Variants in NME6 observed in about 807,000 individuals in gnomAD.
NME6 encodes the protein nucleoside diphosphate kinase 6, mitochondrial.
NME6 carries 16 observed loss-of-function variants against 22.2 expected under a neutral mutation model. The observed-to-expected ratio is 0.72, with a 90% CI of 0.49 to 1.09. The LOEUF (loss-of-function observed/expected upper bound fraction) is 1.09, where lower values mean the gene tolerates loss of function less well. Ranked by LOEUF, NME6 falls within the 50% of genes least tolerant of loss-of-function variation. The probability of loss-of-function intolerance (pLI) is 0.00; values close to 1 mark genes in which losing one functional copy is unlikely to be tolerated. For missense variants in NME6, 229 were observed against 239.0 expected (o/e 0.96, Z 0.28); for synonymous variants, 58 against 85.2 (o/e 0.68, Z 1.76).
At position 48,294,243 on chromosome 3, in the gene NME6, G is replaced by C. The variant is rs1559996893; in HGVS notation, c.*394C>G. ...CATGCACCACCATGCCTGGCTAATT[G>C]TTGTATTTTTAGTAGAGATGGGGTT... is the stretch of plus-strand genomic sequence containing the variant. On this transcript the variant is annotated 3_prime_UTR_variant, in exon 6 of 6. Transcript: ENST00000442597. The C allele has an allele frequency of 6.0e-6, 1 of 166,474 alleles. No homozygotes were observed. The highest frequency in any genetic ancestry group is 1.3e-5 in the Non-Finnish European group (1 of 75,742). 10.3% of individuals were successfully genotyped at this position (166,474 alleles called of 1,614,324 possible). A position where few individuals can be genotyped will look rare whatever the true frequency, so the allele number is the denominator to read the frequency against.
chr3:48,289,846 G>A (rs1426261298), downstream of NME6, among the ~76,000 whole-genome samples: 1 of 152,132 alleles, frequency 6.6e-6, no homozygotes, highest in Non-Finnish European at 1.5e-5. Flanking sequence ...ATTATGGTAT[G>A]CCCACACATG....
At position 48,295,905 on chromosome 3, in the gene NME6, C is replaced by T. The variant is rs182628882; in HGVS notation, c.233+214G>A. The T allele has an allele frequency of 2.5e-4, 145 of 577,062 alleles. 1 individual carries two copies. In the African/African-American group the frequency reaches 2.5e-3, roughly 10 times the overall value. 35.7% of individuals were successfully genotyped at this position (577,062 alleles called of 1,614,324 possible). On this transcript the variant is annotated intron_variant, in intron 4 of 5. Coordinates refer to ENST00000442597, the MANE Select transcript of NME6 (RefSeq NM_001308426.2). The stretch of plus-strand genomic sequence containing the variant: ...TAATTTTTTGTATTTTTAGTAGAGA[C>T]GGTGTTTCACCACATTGGCCAGGCT...
downstream of NME6, among the ~76,000 whole-genome samples, chr3:48,289,254 G>T (rs1385330783): frequency 6.6e-6 from 1 of 152,068 alleles, no homozygotes; most frequent in Non-Finnish European, 1.5e-5. Flanking sequence ...AGTAGAGACA[G>T]GGTTTCACCA....
In NME6 at chr3:48,295,072, C is replaced by G; in HGVS notation, c.394+3G>C. 1 of 1,613,776 alleles carries G rather than the reference C, an allele frequency of 6.2e-7. No individual in the cohort carries two copies. Among genetic ancestry groups the G allele is most frequent in the African/African-American group, 1.3e-5 (1 of 75,036 alleles). ...ATCCTATGGCTATGGACAGGGGACT[C>G]ACCCGAACCATGGGTGGTGTTGCGG... On this transcript the variant is annotated splice_donor_region_variant and intron_variant, in intron 5 of 5. Coordinates refer to ENST00000442597, the MANE Select transcript of NME6 (RefSeq NM_001308426.2).
At chr3:48,298,598 C>A in intron 1 of NME6, 75 bp from the exon 2 acceptor site, 1 of 1,077,150 alleles carries the variant, frequency 9.3e-7, no homozygotes. Context: ...GCCACGCAGC[C>A]TTGCAAGCCA....
At chr3:48,294,859 G>A (rs1486367571) in intron 5 of NME6, 56 bp from the exon 6 acceptor site, 30 of 1,572,870 alleles carry the variant, frequency 1.9e-5, no homozygotes, top group Non-Finnish European at 2.2e-5. Context: ...GCAAGAGGCA[G>A]TCATAATCAG....
rs1337406848 is a variant in NME6, at chr3:48,294,454, GAGAAGAGGTAGAT to G, written c.*170_*182del. On this transcript the variant is annotated 3_prime_UTR_variant, in exon 6 of 6. Coordinates refer to ENST00000442597, the MANE Select transcript of NME6 (RefSeq NM_001308426.2). ...CTTCTGAACCACCATAAACATTCCA[GAGAAGAGGTAGAT>G]AGAAGGCTAGATCCTGGAGGATGTG... 1.7e-6 allele frequency: 1 copy of G among 579,390 alleles called. No individual in the cohort carries two copies. The highest frequency in any genetic ancestry group is 3.1e-6 in the Non-Finnish European group (1 of 324,878). The allele number at this position is 579,390 out of a possible 1,614,324, so 35.9% of individuals were successfully genotyped here.
chr3:48,289,348 C>T (rs189019528), downstream of NME6, among the ~76,000 whole-genome samples: 25 of 152,130 alleles, frequency 1.6e-4, no homozygotes, highest in African/African-American at 5.3e-4. Context: ...GGATTACAGG[C>T]GTGAGCCACC....
intron 2 of NME6, chr3:48,297,931 G>A (rs904998812): frequency 6.0e-6 from 1 of 167,606 alleles, no homozygotes; most frequent in African/African-American, 2.4e-5. Flanking sequence ...ACAGGGAAAT[G>A]GCAGCCTCAG....
intron 4 of NME6, 133 bp from the exon 5 acceptor site, chr3:48,295,368 G>C (rs1182393408): frequency 6.0e-6 from 6 of 992,002 alleles, no homozygotes; most frequent in Non-Finnish European, 8.8e-6. Flanking sequence ...TACCAATGCT[G>C]CTTCAAATAG....
At chr3:48,290,088 G>C (rs541393006), downstream of NME6, among the ~76,000 whole-genome samples, 36 of 151,438 alleles carry the variant, frequency 2.4e-4, no homozygotes, top group African/African-American at 7.5e-4. Context: ...TTTGAGACGG[G>C]ATCTCGCTGT....
In NME6 at chr3:48,292,799, C is replaced by T. The variant is rs1375540276; in HGVS notation, c.*1838G>A. 2 of 152,248 alleles carry T rather than the reference C, an allele frequency of 1.3e-5. No homozygotes were observed. The highest frequency in any genetic ancestry group is 2.4e-5 in the African/African-American group (1 of 41,448). The allele number at this position is 152,248 out of a possible 1,614,324, so 9.4% of individuals were successfully genotyped here. On this transcript the variant is annotated 3_prime_UTR_variant, in exon 6 of 6. Coordinates refer to ENST00000442597, the MANE Select transcript of NME6 (RefSeq NM_001308426.2). The stretch of plus-strand genomic sequence containing the variant: ...TCCCAACCTCAGGTGATCCGCCTGC[C>T]TCAGCCTCCCAAAGTGCTAGGATTA...
At chr3:48,301,294 AC>A in intron 1 of NME6, 58 bp downstream of exon 1, 2 of 1,598,738 alleles carry the variant, frequency 1.3e-6, no homozygotes, top group Non-Finnish European at 1.7e-6. Context: ...GCCTAAGCCC[AC>A]CCCAGATTCT....
chr3:48,301,055 A>T (rs1290522099), intron 1 of NME6, among the ~76,000 whole-genome samples: 4 of 151,930 alleles, frequency 2.6e-5, no homozygotes, highest in Non-Finnish European at 5.9e-5. Context: ...TCCAAAACAA[A>T]AAAAAAGTAA....
intron 2 of NME6, chr3:48,297,640 G>T (rs2035256518): frequency 6.6e-6 from 1 of 152,378 alleles, no homozygotes; most frequent in Non-Finnish European, 1.5e-5. Flanking sequence ...TAACAACAGG[G>T]ATTTTGAGGG....
At chr3:48,300,320 A>G (rs759257211) in intron 1 of NME6, 9 of 456,572 alleles carry the variant, frequency 2.0e-5, no homozygotes, top group South Asian at 1.2e-4. Context: ...AAGTTTCTCT[A>G]GCTCCAACCT....
intron 4 of NME6, 191 bp from the exon 5 acceptor site, chr3:48,295,426 A>G: frequency 1.6e-6 from 1 of 606,888 alleles, no homozygotes; most frequent in Non-Finnish European, 2.8e-6. Context: ...AGAGATCAGC[A>G]GGGTGGCTAT....
At chr3:48,297,840 T>C (rs2035276916) in intron 2 of NME6, 2 of 155,850 alleles carry the variant, frequency 1.3e-5, no homozygotes. Flanking sequence ...GCACTGCAGC[T>C]GTCTTGAAGA....
chr3:48,292,343 C>T lies in NME6; in HGVS notation c.*2294G>A, dbSNP rs1028204241. ...CCAATTCGACACCACAGGGTTTATT[C>T]TAGTTTTCTCCCTTTCCATATTTGT... is the stretch of plus-strand genomic sequence containing the variant. On this transcript the variant is annotated 3_prime_UTR_variant, in exon 6 of 6. Transcript: ENST00000442597. The T allele has an allele frequency of 1.3e-5, 2 of 152,170 alleles. 1 individual carries two copies. Among genetic ancestry groups the T allele is most frequent in the Non-Finnish European group, 2.9e-5 (2 of 68,032 alleles). The allele number at this position is 152,170 out of a possible 1,614,324, so 9.4% of individuals were successfully genotyped here. A position where few individuals can be genotyped will look rare whatever the true frequency, so the allele number is the denominator to read the frequency against.
Sources: gnomAD v4.1 joint callset for allele counts (sites outside exome capture counted in the v4.1 genomes callset) on GRCh38, gnomAD v4.1.1 for gene constraint, MANE v1.5 for transcripts, NCBI Gene and HGNC (gene_info 2026-07-23, HGNC 2026-07-21) for gene names.